The following MAN2A1 variants were observed in gnomAD, a reference collection of about 807,000 sequenced individuals.
MAN2A1 encodes the protein alpha-mannosidase 2.
MAN2A1 carries 76 observed loss-of-function variants against 142.6 expected under a neutral mutation model. That is an observed-to-expected ratio of 0.53 (90% CI 0.44 to 0.65). The LOEUF is 0.65. MAN2A1 is among the 30% of genes least tolerant of loss of function. The probability of loss-of-function intolerance (pLI) is 0.00; values close to 1 mark genes in which losing one functional copy is unlikely to be tolerated. For missense variants in MAN2A1, 1,311 were observed against 1,365.1 expected (o/e 0.96, Z 0.62); for synonymous variants, 559 against 473.2 (o/e 1.18, Z -2.35).
chr5:109,774,455 G>T (rs1753228402), intron 7 of MAN2A1, among the ~76,000 whole-genome samples: 1 of 151,856 alleles, frequency 6.6e-6, no homozygotes, highest in Admixed American at 6.6e-5. Context: ...CAATCTCTGT[G>T]GCTGGGCTTT....
intron 16 of MAN2A1, chr5:109,840,373 G>T (rs116465631): frequency 2.1e-5 from 8 of 375,566 alleles, no homozygotes; most frequent in Non-Finnish European, 2.7e-5. Context: ...TGACTTTTAG[G>T]TCATCTCCAG....
chr5:109,690,827 G>C (rs937176055), intron 1 of MAN2A1, among the ~76,000 whole-genome samples: 4 of 152,294 alleles, frequency 2.6e-5, no homozygotes, highest in African/African-American at 7.2e-5. Context: ...CACCCGGCCT[G>C]TTGGGGTGGC....
chr5:109,829,701 G>A (rs1434604108), intron 16 of MAN2A1, among the ~76,000 whole-genome samples: 4 of 152,156 alleles, frequency 2.6e-5, no homozygotes, highest in Non-Finnish European at 5.9e-5. Flanking sequence ...TCCATTGAAA[G>A]CCCTGCTCTT....
At chr5:109,795,314 A>C (rs1030444826) in intron 12 of MAN2A1, among the ~76,000 whole-genome samples, 4 of 152,262 alleles carry the variant, frequency 2.6e-5, no homozygotes, top group African/African-American at 9.6e-5. Context: ...GTATTTTATG[A>C]CATCAGGAAT....
chr5:109,865,250 C>T, intron 21 of MAN2A1, 104 bp downstream of exon 21: 1 of 823,230 alleles, frequency 1.2e-6, no homozygotes, highest in East Asian at 2.6e-5. Context: ...TCTTTACTGT[C>T]TCAGTTTCAT....
chr5:109,799,143 C>T (rs538933827), intron 12 of MAN2A1, among the ~76,000 whole-genome samples: 2 of 152,296 alleles, frequency 1.3e-5, no homozygotes, highest in East Asian at 3.9e-4. Context: ...GAGTTTAATA[C>T]GGTTATGTGT....
chr5:109,768,327 C>T (rs1306093345), intron 6 of MAN2A1, among the ~76,000 whole-genome samples: 3 of 152,150 alleles, frequency 2.0e-5, no homozygotes, highest in South Asian at 2.1e-4. Flanking sequence ...ATTTATTTAT[C>T]GAGCCTTTAT....
intron 20 of MAN2A1, chr5:109,862,257 T>C (rs1755776692): frequency 6.6e-6 from 1 of 152,338 alleles, no homozygotes; most frequent in South Asian, 2.1e-4. Context: ...CCCAGCTTTA[T>C]CTGATGGCTT....
chr5:109,780,510 CTGTGTGTGTGTG>C (rs113661582), intron 8 of MAN2A1, among the ~76,000 whole-genome samples: 56 of 143,772 alleles, frequency 3.9e-4, no homozygotes, highest in African/African-American at 1.1e-3. Context: ...CTTGCAATAT[CTGTGTGTGTGTG>C]TGTGTGTGTG....
At chr5:109,821,930 C>T (rs896218410) in intron 15 of MAN2A1, among the ~76,000 whole-genome samples, 1 of 151,282 alleles carries the variant, frequency 6.6e-6, no homozygotes, top group Non-Finnish European at 1.5e-5. Flanking sequence ...AGAGTTTCTT[C>T]CTTTGCTTTT....
rs780901618 is a variant in MAN2A1, at chr5:109,713,539, A to C, written c.155A>C (p.Gln52Pro). Residue 52 changes from glutamine (Q) to proline (P), a missense_variant, in exon 2 of 22, where the codon CAA becomes CCA. This residue lies in a region of MAN2A1 where 409 missense variants were observed against 412.7 expected (regional missense o/e 0.99). Coordinates refer to ENST00000261483, the MANE Select transcript of MAN2A1 (RefSeq NM_002372.4). ...SFPQGQLSML[Q>P]EKIDHLERLL... ...TTGTAGGGCCAGCTCTCAATGTTGC[A>C]AGAAAAAATAGACCATTTGGAGCGT... 21 of 1,608,362 alleles carry C rather than the reference A, an allele frequency of 1.3e-5. No homozygotes were observed. The South Asian group carries it at 2.1e-4, about 16-fold the overall frequency.
intron 19 of MAN2A1, among the ~76,000 whole-genome samples, chr5:109,850,736 T>C (rs919746222): frequency 6.6e-6 from 1 of 152,222 alleles, no homozygotes; most frequent in Non-Finnish European, 1.5e-5. Context: ...AGCTTTGACT[T>C]AGAAGTGAAA....
intron 5 of MAN2A1, among the ~76,000 whole-genome samples, chr5:109,758,685 T>C (rs1172274464): frequency 1.3e-5 from 2 of 148,510 alleles, no homozygotes; most frequent in Admixed American, 1.4e-4. Context: ...TAGTTAATAT[T>C]ATATAGTTAA....
intron 9 of MAN2A1, among the ~76,000 whole-genome samples, chr5:109,783,490 C>T (rs1030593462): frequency 6.6e-6 from 1 of 152,062 alleles, no homozygotes; most frequent in Non-Finnish European, 1.5e-5. Context: ...TTAATTCAAG[C>T]TTAGTGATTG....
At chr5:109,769,445 G>A (rs567330379) in intron 6 of MAN2A1, among the ~76,000 whole-genome samples, 2 of 152,018 alleles carry the variant, frequency 1.3e-5, no homozygotes, top group African/African-American at 4.8e-5. Flanking sequence ...TTTCTGTTAC[G>A]TAAGCAGTAC....
intron 12 of MAN2A1, among the ~76,000 whole-genome samples, chr5:109,790,756 A>G (rs1753717380): frequency 1.3e-5 from 2 of 151,828 alleles, no homozygotes; most frequent in South Asian, 4.2e-4. Context: ...CTTTCTTTTT[A>G]TATTTTGGTG....
intron 5 of MAN2A1, among the ~76,000 whole-genome samples, chr5:109,763,071 C>T (rs1293591844): frequency 2.6e-5 from 4 of 152,192 alleles, no homozygotes; most frequent in African/African-American, 9.7e-5. Flanking sequence ...TCAAGTAGAC[C>T]AGGCCCCTTC....
At chr5:109,828,830 T>C (rs1342730184) in intron 16 of MAN2A1, among the ~76,000 whole-genome samples, 1 of 152,216 alleles carries the variant, frequency 6.6e-6, no homozygotes, top group Non-Finnish European at 1.5e-5. Context: ...TCAAAAAGTA[T>C]GGAAGGAAAG....
chr5:109,750,073 T>C (rs1752505779), intron 4 of MAN2A1, among the ~76,000 whole-genome samples: 1 of 152,086 alleles, frequency 6.6e-6, no homozygotes, highest in African/African-American at 2.4e-5. Context: ...ATATTGTTTC[T>C]GTTAAGACTT....
Sources: allele counts gnomAD v4.1 joint callset (sites outside exome capture counted in the v4.1 genomes callset), GRCh38; gene constraint gnomAD v4.1.1; regional missense constraint gnomAD v4.1.1; transcripts MANE v1.5; gene names NCBI Gene and HGNC (gene_info 2026-07-23, HGNC 2026-07-21).